Variants in FOXN3 observed in about 807,000 individuals in gnomAD.
FOXN3 encodes the protein forkhead box N3.
FOXN3 carries 7 observed loss-of-function variants against 38.4 expected under a neutral mutation model. The observed-to-expected ratio is 0.18, with a 90% CI of 0.10 to 0.34. FOXN3 has a LOEUF of 0.34. Ranked by LOEUF, FOXN3 falls within the 10% of genes least tolerant of loss-of-function variation. FOXN3 has a pLI of 1.00. For synonymous variants in FOXN3, 230 were observed against 242.2 expected, an observed-to-expected ratio of 0.95 and a Z score of 0.47; for missense variants, 456 against 613.4, an observed-to-expected ratio of 0.74 and a Z score of 2.71.
At chr14:89,284,047 G>C (rs1318635054) in intron 3 of FOXN3, among the ~76,000 whole-genome samples, 1 of 152,138 alleles carries the variant, frequency 6.6e-6, no homozygotes, top group Admixed American at 6.5e-5. Flanking sequence ...TTTTAGGAGA[G>C]ACAGGGTTTC....
At chr14:89,515,682 G>A (rs1894186046) in intron 1 of FOXN3, among the ~76,000 whole-genome samples, 1 of 152,200 alleles carries the variant, frequency 6.6e-6, no homozygotes, top group South Asian at 2.1e-4. Flanking sequence ...GTTGCAGTGA[G>A]CCGGGACCGT....
chr14:89,475,291 T>C (rs1893188536), intron 1 of FOXN3, among the ~76,000 whole-genome samples: 1 of 152,196 alleles, frequency 6.6e-6, no homozygotes, highest in African/African-American at 2.4e-5. Context: ...GCAGTTACAT[T>C]CATGTAAAGA....
intron 1 of FOXN3, among the ~76,000 whole-genome samples, chr14:89,474,813 T>G (rs1219775793): frequency 2.6e-5 from 4 of 152,042 alleles, no homozygotes; most frequent in African/African-American, 9.7e-5. Context: ...TTTTATTTAT[T>G]TATTATTATT....
At chr14:89,566,532 G>A (rs968774977) in intron 1 of FOXN3, among the ~76,000 whole-genome samples, 3 of 152,230 alleles carry the variant, frequency 2.0e-5, no homozygotes, top group African/African-American at 7.2e-5. Context: ...ACTAGCTCAG[G>A]ACATGGGACA....
At chr14:89,333,014 TA>T (rs2139988420) in intron 3 of FOXN3, 1 of 152,252 alleles carries the variant, frequency 6.6e-6, no homozygotes, top group East Asian at 1.9e-4. Flanking sequence ...GAAATGCAAA[TA>T]AAGCCACAAT....
At chr14:89,360,727 C>CCACCTCCACCACCACCACCTCCAG (rs1889467774) in intron 2 of FOXN3, among the ~76,000 whole-genome samples, 1 of 136,768 alleles carries the variant, frequency 7.3e-6, no homozygotes, top group African/African-American at 3.0e-5. Flanking sequence ...ACCTCCACCA[C>CCACCTCCACCACCACCACCTCCAG]CACCACCTCC....
intron 1 of FOXN3, among the ~76,000 whole-genome samples, chr14:89,560,628 G>A (rs771560411): frequency 1.1e-4 from 16 of 152,180 alleles, no homozygotes; most frequent in Admixed American, 6.5e-4. Context: ...ATGGCCTATC[G>A]TTATAGACCA....
At chr14:89,558,167 G>A (rs1262443175) in intron 1 of FOXN3, among the ~76,000 whole-genome samples, 1 of 152,326 alleles carries the variant, frequency 6.6e-6, no homozygotes, top group African/African-American at 2.4e-5. Flanking sequence ...ATGGGGCACT[G>A]AGGATGGGTT....
chr14:89,584,996 G>A (rs916478818), intron 1 of FOXN3, among the ~76,000 whole-genome samples: 21 of 152,276 alleles, frequency 1.4e-4, no homozygotes, highest in Admixed American at 2.0e-4. Flanking sequence ...GATTACAGGC[G>A]TGAGCCACCG....
At chr14:89,213,905 G>C (rs963470545) in intron 4 of FOXN3, among the ~76,000 whole-genome samples, 1 of 152,188 alleles carries the variant, frequency 6.6e-6, no homozygotes. Flanking sequence ...TATACTCACT[G>C]TAACAGTAAC....
intron 3 of FOXN3, among the ~76,000 whole-genome samples, chr14:89,283,047 C>G (rs1049302401): frequency 6.6e-6 from 1 of 152,130 alleles, no homozygotes; most frequent in South Asian, 2.1e-4. Context: ...TTTCCTGGCC[C>G]CTGTTGTAAT....
At chr14:89,216,740 C>T (rs1884296411) in intron 4 of FOXN3, among the ~76,000 whole-genome samples, 1 of 152,192 alleles carries the variant, frequency 6.6e-6, no homozygotes, top group Admixed American at 6.5e-5. Context: ...TCCATGATGC[C>T]ACCCATCTAG....
chr14:89,595,378 T>C (rs1407962823), intron 1 of FOXN3, among the ~76,000 whole-genome samples: 1 of 152,080 alleles, frequency 6.6e-6, no homozygotes, highest in Admixed American at 6.6e-5. Flanking sequence ...TATCCCTCCA[T>C]TTATTTAGGT....
intron 1 of FOXN3, among the ~76,000 whole-genome samples, chr14:89,611,120 G>A (rs1055251537): frequency 5.9e-5 from 9 of 152,194 alleles, no homozygotes; most frequent in African/African-American, 2.2e-4. Flanking sequence ...TCTTGCAAGA[G>A]CAGAGCTCTT....
intron 1 of FOXN3, among the ~76,000 whole-genome samples, chr14:89,437,196 A>C (rs534824704): frequency 1.2e-4 from 18 of 152,260 alleles, no homozygotes; most frequent in Admixed American, 4.6e-4. Context: ...CAAAACAAAA[A>C]AAAACAGTAT....
chr14:89,584,057 A>G (rs1372944777), intron 1 of FOXN3, among the ~76,000 whole-genome samples: 2 of 148,748 alleles, frequency 1.3e-5, no homozygotes, highest in African/African-American at 4.9e-5. Context: ...ATGGGGTTTC[A>G]CCATGTTGGC....
rs906173912 is a variant in FOXN3 at position 89,354,242 on chromosome 14, TC to T, written c.544-3435del. On this transcript the variant is annotated intron_variant, in intron 2 of 5. Coordinates refer to ENST00000557258, the MANE Select transcript of FOXN3 (RefSeq NM_005197.4). ...TGTTTGGTTTTTTTTGTTTGTTTTT[TC>T]TTAGACAGAGTCTCGCTCTTGTTGC... Among the ~76,000 whole-genome samples, 7 of 148,470 alleles carry T rather than the reference TC, an allele frequency of 4.7e-5. No individual in the cohort carries two copies. In the South Asian group the frequency reaches 8.4e-4, roughly 18 times the overall value.
chr14:89,456,163 C>T (rs1892718905), intron 1 of FOXN3, among the ~76,000 whole-genome samples: 1 of 140,168 alleles, frequency 7.1e-6, no homozygotes, highest in African/African-American at 2.7e-5. Flanking sequence ...CATTGCACTC[C>T]AGCCCGGGCA....
intron 1 of FOXN3, among the ~76,000 whole-genome samples, chr14:89,478,749 T>C (rs1420281975): frequency 2.0e-5 from 3 of 151,812 alleles, no homozygotes; most frequent in African/African-American, 7.3e-5. Context: ...CTGGCCAACA[T>C]GGTGAAACCC....
Sources: allele counts gnomAD v4.1 joint callset (sites outside exome capture counted in the v4.1 genomes callset), GRCh38; gene constraint gnomAD v4.1.1; transcripts MANE v1.5; gene names NCBI Gene and HGNC (gene_info 2026-07-23, HGNC 2026-07-21).